KCNMA1: variants seen among roughly 807,000 people sequenced by gnomAD.
KCNMA1 encodes the protein Calcium-activated potassium channel subunit alpha-1.
In KCNMA1, 29 loss-of-function variants were observed where a neutral mutation model predicts 140.0. That is an observed-to-expected ratio of 0.21 (90% confidence interval 0.15 to 0.28). The LOEUF is 0.28. Ranked by LOEUF, KCNMA1 falls within the 10% of genes least tolerant of loss-of-function variation. The pLI, the probability that KCNMA1 is intolerant of heterozygous loss-of-function variation, is 1.00. For synonymous variants in KCNMA1, 612 were observed against 611.9 expected, an observed-to-expected ratio of 1.00 and a Z score of 0.00; for missense variants, 880 against 1,602.2, an observed-to-expected ratio of 0.55 and a Z score of 7.70.
At chr10:77,576,068 T>C (rs973961943) in intron 1 of KCNMA1, among the ~76,000 whole-genome samples, 5 of 152,344 alleles carry the variant, frequency 3.3e-5, no homozygotes, top group Admixed American at 1.3e-4. Flanking sequence ...TGTTCTAGAA[T>C]AGCACTCCTC....
intron 1 of KCNMA1, among the ~76,000 whole-genome samples, chr10:77,467,189 C>T (rs2098042140): frequency 6.6e-6 from 1 of 152,180 alleles, no homozygotes; most frequent in Non-Finnish European, 1.5e-5. Flanking sequence ...TAAAAAAACT[C>T]TTACATTGCA....
intron 26 of KCNMA1, 138 bp from the exon 27 acceptor site, chr10:76,889,707 C>T (rs2039054315): frequency 2.6e-6 from 2 of 756,692 alleles, no homozygotes; most frequent in Admixed American, 1.8e-5. Flanking sequence ...CAAGGGACGG[C>T]AGTGGAAGAA....
intron 5 of KCNMA1, among the ~76,000 whole-genome samples, chr10:77,158,855 G>C (rs1348206912): frequency 6.6e-6 from 1 of 152,094 alleles, no homozygotes; most frequent in Non-Finnish European, 1.5e-5. Flanking sequence ...TTGTGGATAT[G>C]GTAGCCTGGC....
At chr10:77,102,204 A>G (rs1341436347) in intron 9 of KCNMA1, among the ~76,000 whole-genome samples, 3 of 152,228 alleles carry the variant, frequency 2.0e-5, no homozygotes, top group African/African-American at 7.2e-5. Context: ...CTATGGGGCC[A>G]TAGATTAAAT....
At chr10:77,575,833 G>C (rs766099715) in intron 1 of KCNMA1, among the ~76,000 whole-genome samples, 21 of 152,222 alleles carry the variant, frequency 1.4e-4, no homozygotes, top group Non-Finnish European at 2.2e-4. Context: ...AGAGCCACTG[G>C]AAGGCCAGTT....
At chr10:77,132,137 T>C (rs181603503) in intron 5 of KCNMA1, among the ~76,000 whole-genome samples, 287 of 152,100 alleles carry the variant, frequency 1.9e-3, no homozygotes, top group African/African-American at 6.6e-3. Context: ...TAGAAAAATA[T>C]TTGAAAAATA....
At chr10:76,893,034 G>C (rs1338467714) in intron 25 of KCNMA1, among the ~76,000 whole-genome samples, 1 of 152,160 alleles carries the variant, frequency 6.6e-6, no homozygotes, top group Non-Finnish European at 1.5e-5. Context: ...AGCAGAAAAA[G>C]GATACTTAAA....
chr10:76,890,203 C>A (rs956592238), intron 26 of KCNMA1, among the ~76,000 whole-genome samples: 1 of 152,172 alleles, frequency 6.6e-6, no homozygotes, highest in Non-Finnish European at 1.5e-5. Context: ...TTCACAGCCA[C>A]CTTCCCGGGG....
chr10:77,407,726 C>T (rs568657787), intron 1 of KCNMA1, among the ~76,000 whole-genome samples: 3 of 152,232 alleles, frequency 2.0e-5, no homozygotes, highest in African/African-American at 7.2e-5. Flanking sequence ...ACAAACATGC[C>T]GCCTCATTAA....
intron 16 of KCNMA1, among the ~76,000 whole-genome samples, chr10:77,025,857 C>G (rs2093397477): frequency 1.3e-5 from 2 of 152,058 alleles, no homozygotes; most frequent in Non-Finnish European, 2.9e-5. Flanking sequence ...CACATTCCCT[C>G]AAACACACCT....
chr10:76,979,899 T>G (rs1188518134), intron 19 of KCNMA1: 4 of 152,204 alleles, frequency 2.6e-5, no homozygotes, highest in Non-Finnish European at 4.4e-5. Flanking sequence ...AAATACAGTA[T>G]GCTTTTAACC....
rs531490066 is a variant in KCNMA1 at position 77,113,422 on chromosome 10, G to A, written c.885-980C>T. 4.0e-5 allele frequency among the ~76,000 whole-genome samples: 6 copies of A among 151,868 alleles called. No individual in the cohort carries two copies. In the South Asian group the frequency reaches 8.4e-4, roughly 21 times the overall value. On this transcript the variant is annotated intron_variant, in intron 6 of 27. Transcript: ENST00000286628. ...GTGAACCTAGGTTGTCTTCTATAAT[G>A]TTCTATATTCTGGATCCTGTTTATT...
At chr10:77,547,307 C>A (rs1334645352) in intron 1 of KCNMA1, among the ~76,000 whole-genome samples, 3 of 152,218 alleles carry the variant, frequency 2.0e-5, no homozygotes, top group Admixed American at 2.0e-4. Context: ...GCAATCCCGA[C>A]CATGGATTAT....
intron 6 of KCNMA1, 69 bp from the exon 7 acceptor site, chr10:77,112,511 G>A (rs941847372): frequency 8.8e-7 from 1 of 1,139,150 alleles, no homozygotes; most frequent in East Asian, 2.4e-5. Context: ...TGCCTTACAG[G>A]GTAACAGCAC....
intron 2 of KCNMA1, among the ~76,000 whole-genome samples, chr10:77,381,917 T>A (rs1327770668): frequency 6.6e-6 from 1 of 152,178 alleles, no homozygotes; most frequent in Non-Finnish European, 1.5e-5. Flanking sequence ...ACATGAGTAC[T>A]CATAACAGGC....
At chr10:77,388,943 G>T (rs80227787) in intron 2 of KCNMA1, among the ~76,000 whole-genome samples, 1 of 152,228 alleles carries the variant, frequency 6.6e-6, no homozygotes, top group African/African-American at 2.4e-5. Context: ...TCCAACTCTG[G>T]GGAAAACAAC....
At chr10:76,897,478 C>T (rs925984848) in intron 25 of KCNMA1, among the ~76,000 whole-genome samples, 1 of 151,926 alleles carries the variant, frequency 6.6e-6, no homozygotes, top group Non-Finnish European at 1.5e-5. Context: ...TTTGACAGGA[C>T]ACATTTGTTC....
At chr10:76,961,882 A>AG (rs1422671519) in intron 20 of KCNMA1, among the ~76,000 whole-genome samples, 2 of 152,226 alleles carry the variant, frequency 1.3e-5, no homozygotes, top group Non-Finnish European at 2.9e-5. Context: ...TAGAAAAAAA[A>AG]TGTGTGTTAC....
chr10:77,027,790 TGTCAGC>T, intron 16 of KCNMA1, 27 bp downstream of exon 16: 3 of 1,583,848 alleles, frequency 1.9e-6, no homozygotes, highest in Non-Finnish European at 2.6e-6. Flanking sequence ...CCATCAAAAG[TGTCAGC>T]TGGCTGCTGG....
Sources: gnomAD v4.1 joint callset for allele counts (sites outside exome capture counted in the v4.1 genomes callset) on GRCh38, gnomAD v4.1.1 for gene constraint, MANE v1.5 for transcripts, NCBI Gene and HGNC (gene_info 2026-07-23, HGNC 2026-07-21) for gene names.